Variants in LYN observed in about 807,000 individuals in gnomAD.
The protein encoded by LYN is LYN proto-oncogene, Src family tyrosine kinase.
LYN carries 12 observed loss-of-function variants against 65.0 expected under a neutral mutation model. That is an observed-to-expected ratio of 0.18 (90% confidence interval 0.12 to 0.30). LYN has a LOEUF of 0.30. Ranked by LOEUF, LYN falls within the 10% of genes least tolerant of loss-of-function variation. LYN has a pLI of 1.00. For missense variants in LYN, 380 were observed against 623.2 expected (o/e 0.61, Z 4.16); for synonymous variants, 222 against 221.2 (o/e 1.00, Z -0.03).
intron 11 of LYN, among the ~76,000 whole-genome samples, chr8:55,999,055 C>T (rs1001855710): frequency 2.0e-5 from 3 of 152,128 alleles, no homozygotes; most frequent in South Asian, 2.1e-4. Context: ...CAAGCATGGT[C>T]GGGACTGCAG....
At chr8:55,931,162 A>C (rs1806259545) in intron 1 of LYN, among the ~76,000 whole-genome samples, 1 of 147,726 alleles carries the variant, frequency 6.8e-6, no homozygotes, top group South Asian at 2.1e-4. Context: ...TTTTAAATAA[A>C]ATATATTATA....
chr8:55,918,283 T>C (rs1805836267), intron 1 of LYN, among the ~76,000 whole-genome samples: 1 of 152,230 alleles, frequency 6.6e-6, no homozygotes, highest in African/African-American at 2.4e-5. Flanking sequence ...CCTCTCCTGT[T>C]AACCTGCCTT....
intron 1 of LYN, among the ~76,000 whole-genome samples, chr8:55,909,130 G>A (rs2130401010): frequency 6.6e-6 from 1 of 151,054 alleles, no homozygotes; most frequent in South Asian, 2.1e-4. Context: ...GTAGATCATG[G>A]CGAATTTGCT....
chr8:55,888,983 T>C lies in LYN; in HGVS notation c.-6+8880T>C, dbSNP rs558543888. 5.3e-5 allele frequency among the ~76,000 whole-genome samples: 8 copies of C among 152,318 alleles called. No individual in the cohort carries two copies. The East Asian group carries it at 1.5e-3, about 29-fold the overall frequency. The stretch of plus-strand genomic sequence containing the variant: ...AAATTTGATAGATGCCCAATGTATG[T>C]AACAAAAATTTTCCCTCACGTGTAT... On this transcript the variant is annotated intron_variant, in intron 1 of 12. Transcript: ENST00000519728.
chr8:55,946,491 A>G lies in LYN; in HGVS notation c.176A>G (p.Lys59Arg). ...TTACCTGGACAGAGGTTTCAAACTA[A>G]AGGTATGTTTTCATAGCAACATAGT... is the stretch of plus-strand genomic sequence containing the variant. ...QLLPGQRFQT[K>R]DPEEQGDIVV... Residue 59 changes from lysine (K) to arginine (R), a missense_variant and splice_region_variant, in exon 3 of 13, where the codon AAA becomes AGA. By Grantham distance (26) the Lys-to-Arg change is conservative. Around this residue, in one of 2 missense-constraint regions of LYN, gnomAD observed 157 missense variants for 193.2 expected, o/e 0.81. Transcript: ENST00000519728. 6.2e-7 allele frequency: 1 copy of G among 1,604,144 alleles called. No individual in the cohort carries two copies. Among genetic ancestry groups the G allele is most frequent in the South Asian group, 1.1e-5 (1 of 90,518 alleles).
At chr8:55,957,353 A>G (rs1467173381) in intron 8 of LYN, among the ~76,000 whole-genome samples, 1 of 152,240 alleles carries the variant, frequency 6.6e-6, no homozygotes, top group African/African-American at 2.4e-5. Context: ...AAACAGAGCC[A>G]TAAATAATCC....
chr8:55,959,314 T>G (rs570606555), intron 8 of LYN, among the ~76,000 whole-genome samples: 1 of 152,382 alleles, frequency 6.6e-6, no homozygotes, highest in African/African-American at 2.4e-5. Flanking sequence ...TTCAAGTCCC[T>G]TTCTCACTTT....
At chr8:55,956,019 T>TC (rs1807097695) in intron 8 of LYN, among the ~76,000 whole-genome samples, 1 of 152,262 alleles carries the variant, frequency 6.6e-6, no homozygotes, top group Non-Finnish European at 1.5e-5. Context: ...TTTTCATTTC[T>TC]CTTGTGTATA....
rs1479461580 is a variant in LYN at position 56,008,718 on chromosome 8, C to T, written c.1337-1190C>T. On this transcript the variant is annotated intron_variant, in intron 12 of 12. Coordinates refer to ENST00000519728, the MANE Select transcript of LYN (RefSeq NM_002350.4). ...CTATTACCAGGCCTTTTGCAGAGCT[C>T]TAGAGGAGTAATGAGCACCTTACTT... Among the ~76,000 whole-genome samples the T allele has an allele frequency of 9.2e-5, 14 of 152,316 alleles. No individual in the cohort carries two copies. In the South Asian group the frequency reaches 2.7e-3, roughly 29 times the overall value.
chr8:55,888,517 C>T (rs767602180), intron 1 of LYN, among the ~76,000 whole-genome samples: 5 of 152,168 alleles, frequency 3.3e-5, no homozygotes, highest in Non-Finnish European at 4.4e-5. Context: ...AGCGAAGACA[C>T]GTTGAACACT....
chr8:55,981,078 G>T (rs1807904557), intron 10 of LYN, among the ~76,000 whole-genome samples: 1 of 151,894 alleles, frequency 6.6e-6, no homozygotes, highest in South Asian at 2.1e-4. Context: ...ACCTGTGCAT[G>T]TGACTGATTC....
Position 56,010,237 on chromosome 8 carries a change from A to C in LYN, c.*127A>C, listed in dbSNP as rs569595474. On this transcript the variant is annotated 3_prime_UTR_variant, in exon 13 of 13. Transcript: ENST00000519728. ...CTGCCGTGCCTGGATCCTGAAATAG[A>C]GGCTAAATTACTCAGGAAGAACACC... The C allele has an allele frequency of 1.1e-4, 101 of 898,084 alleles. No individual in the cohort carries two copies. The African/African-American group carries it at 1.5e-3, about 13-fold the overall frequency. The allele number at this position is 898,084 out of a possible 1,614,324, so 55.6% of individuals were successfully genotyped here. A position where few individuals can be genotyped will look rare whatever the true frequency, so the allele number is the denominator to read the frequency against.
rs201807000 is a variant in LYN, at chr8:55,888,734, T to TTTTTG, written c.-6+8646_-6+8650dup. On this transcript the variant is annotated intron_variant, in intron 1 of 12. Coordinates refer to ENST00000519728, the MANE Select transcript of LYN (RefSeq NM_002350.4). ...TACAGTAATGGGCACAATCCTTGGT[T>TTTTTG]TTTTGTTTTGTTTTGTTTTTGAGAC... Among the ~76,000 whole-genome samples, 790 of 152,206 alleles carry TTTTTG rather than the reference T, an allele frequency of 5.2e-3. 5 individuals are homozygous for TTTTTG. The highest frequency in any genetic ancestry group is 0.018 in the African/African-American group (753 of 41,514).
intron 1 of LYN, among the ~76,000 whole-genome samples, chr8:55,887,527 A>G (rs1392674447): frequency 2.1e-5 from 3 of 144,394 alleles, no homozygotes; most frequent in Non-Finnish European, 3.0e-5. Flanking sequence ...CCACATATAA[A>G]TATATACATA....
chr8:55,998,483 G>C lies in LYN; in HGVS notation c.1188G>C (p.Glu396Asp). 1 of 1,612,682 alleles carries C rather than the reference G, an allele frequency of 6.2e-7. No homozygotes were observed. The highest frequency in any genetic ancestry group is 8.5e-7 in the Non-Finnish European group (1 of 1,178,742). ...FGLARVIEDN[E>D]YTAREGAKFP... ...TTGCTAGAGTAATTGAAGATAATGAGTACACAGCAAGGGAAGGTATGTTGC... is the reference window on the plus strand; with the variant it reads ...TTGCTAGAGTAATTGAAGATAATGACTACACAGCAAGGGAAGGTATGTTGC... The change falls in exon 11 of 13, where the codon GAG (glutamate) becomes GAC (aspartate). Residue 396 changes from glutamate (E) to aspartate (D), a missense_variant. By Grantham distance (45) the Glu-to-Asp change is conservative. Around this residue, in one of 2 missense-constraint regions of LYN, gnomAD observed 223 missense variants for 430.0 expected, o/e 0.52. Transcript: ENST00000519728.
chr8:55,977,855 G>T (rs1807800266), intron 10 of LYN, among the ~76,000 whole-genome samples: 1 of 152,046 alleles, frequency 6.6e-6, no homozygotes. Context: ...GGAAGTTGAG[G>T]CTCAAGTGAG....
In LYN at chr8:55,947,025, A is replaced by G. The variant is rs535872716; in HGVS notation, c.178+532A>G. Among the ~76,000 whole-genome samples, 5 of 152,330 alleles carry G rather than the reference A, an allele frequency of 3.3e-5. No individual in the cohort carries two copies. In the South Asian group the frequency reaches 1.0e-3, roughly 32 times the overall value. On this transcript the variant is annotated intron_variant, in intron 3 of 12. Coordinates refer to ENST00000519728, the MANE Select transcript of LYN (RefSeq NM_002350.4). The stretch of plus-strand genomic sequence containing the variant: ...CACTTTGGGAGGCCAAGTTAGGTAG[A>G]TCACCTGTGGTCAGGAGTTCGAGAC...
chr8:55,977,317 G>A (rs1325324429), intron 10 of LYN, among the ~76,000 whole-genome samples: 1 of 152,208 alleles, frequency 6.6e-6, no homozygotes, highest in South Asian at 2.1e-4. Flanking sequence ...TCAGCAAATA[G>A]TTTCAACAGG....
chr8:55,998,519 T>A lies in LYN; in HGVS notation c.1204+20T>A. 1 of 1,586,918 alleles carries A rather than the reference T, an allele frequency of 6.3e-7. No homozygotes were observed. Among genetic ancestry groups the A allele is most frequent in the Non-Finnish European group, 8.6e-7 (1 of 1,157,472 alleles). On this transcript the variant is annotated intron_variant, in intron 11 of 12. Transcript: ENST00000519728. ...GGGAAGGTATGTTGCACTAATGATC[T>A]TTAGATGTTTTATTATTGTGTTTTA...
Sources: gnomAD v4.1 joint callset for allele counts (sites outside exome capture counted in the v4.1 genomes callset) on GRCh38, gnomAD v4.1.1 for gene constraint, gnomAD v4.1.1 regional missense constraint, MANE v1.5 for transcripts, NCBI Gene and HGNC (gene_info 2026-07-23, HGNC 2026-07-21) for gene names.